The following CARMIL1 variants were observed in gnomAD, a reference collection of about 807,000 sequenced individuals.
CARMIL1 encodes F-actin-uncapping protein LRRC16A.
Under a neutral mutation model 177.1 loss-of-function variants are expected in CARMIL1, and 90 were observed. The observed-to-expected ratio is 0.51, with a 90% CI of 0.43 to 0.61. The LOEUF is 0.61. Ranked by LOEUF, CARMIL1 falls within the 20% of genes least tolerant of loss-of-function variation. The pLI, the probability that CARMIL1 is intolerant of heterozygous loss-of-function variation, is 0.00. For missense variants in CARMIL1, 1,380 were observed against 1,667.0 expected (o/e 0.83, Z 3.00); for synonymous variants, 577 against 606.2 (o/e 0.95, Z 0.71).
intron 23 of CARMIL1, among the ~76,000 whole-genome samples, chr6:25,524,496 G>A (rs889230115): frequency 1.3e-5 from 2 of 152,164 alleles, no homozygotes; most frequent in Non-Finnish European, 2.9e-5. Flanking sequence ...CCAGCTCTTA[G>A]CCAGTTAACA....
intron 2 of CARMIL1, among the ~76,000 whole-genome samples, chr6:25,399,587 G>GA (rs949043245): frequency 6.6e-6 from 1 of 152,154 alleles, no homozygotes; most frequent in Non-Finnish European, 1.5e-5. Context: ...TCTAAGAAGT[G>GA]AAAAATATAA....
At chr6:25,351,423 T>C (rs1788091522) in intron 2 of CARMIL1, among the ~76,000 whole-genome samples, 1 of 152,216 alleles carries the variant, frequency 6.6e-6, no homozygotes, top group East Asian at 1.9e-4. Context: ...GATTCTGCTG[T>C]ATTTGATGGT....
chr6:25,502,287 C>T (rs959479641), intron 17 of CARMIL1, among the ~76,000 whole-genome samples: 27 of 151,256 alleles, frequency 1.8e-4, no homozygotes, highest in African/African-American at 5.6e-4. Context: ...CCAGGCTGGG[C>T]GCGGTCAATG....
At chr6:25,467,754 C>A (rs1441175008) in intron 9 of CARMIL1, among the ~76,000 whole-genome samples, 2 of 152,114 alleles carry the variant, frequency 1.3e-5, no homozygotes, top group Non-Finnish European at 2.9e-5. Flanking sequence ...TGCCACTTTT[C>A]TGTTAACTGA....
chr6:25,502,959 G>C (rs1048989778), intron 17 of CARMIL1, among the ~76,000 whole-genome samples: 6 of 152,150 alleles, frequency 3.9e-5, no homozygotes, highest in African/African-American at 1.2e-4. Flanking sequence ...ACTCCTTTAT[G>C]ATCTATTGGG....
chr6:25,390,859 G>T (rs1489585930), intron 2 of CARMIL1, among the ~76,000 whole-genome samples: 1 of 152,050 alleles, frequency 6.6e-6, no homozygotes, highest in African/African-American at 2.4e-5. Context: ...CCTGTAATCA[G>T]CCTGGCTAAT....
rs1251564810 is a variant in CARMIL1, at chr6:25,528,856, G to A, written c.2030G>A (p.Arg677His). The change falls in exon 24 of 37, where the codon CGC becomes CAC. Residue 677 changes from arginine to histidine, a missense_variant. Arg to His is a conservative substitution (Grantham distance 29). Coordinates refer to ENST00000329474, the MANE Select transcript of CARMIL1 (RefSeq NM_017640.6). ...AAATACCTTCAAGAGCAGGCCTACCGCCTGCAGCAGGGTATTGTCACCAGC... is the reference window on the plus strand; with the variant it reads ...AAATACCTTCAAGAGCAGGCCTACCACCTGCAGCAGGGTATTGTCACCAGC... ...TRKYLQEQAY[R>H]LQQGIVTSTT... 1.9e-6 allele frequency: 3 copies of A among 1,610,160 alleles called. No individual in the cohort carries two copies. The highest frequency in any genetic ancestry group is 2.5e-6 in the Non-Finnish European group (3 of 1,178,194).
chr6:25,547,515 C>G (rs1457019028), intron 26 of CARMIL1, among the ~76,000 whole-genome samples: 1 of 152,132 alleles, frequency 6.6e-6, no homozygotes, highest in Non-Finnish European at 1.5e-5. Context: ...AGAAGTAGCA[C>G]TGAAGTTTAG....
chr6:25,572,973 A>G (rs1412546752), intron 29 of CARMIL1, among the ~76,000 whole-genome samples: 1 of 152,196 alleles, frequency 6.6e-6, no homozygotes, highest in African/African-American at 2.4e-5. Context: ...TGGGGAGCGC[A>G]TTGGATTAAA....
chr6:25,589,140 T>C (rs1814063906), intron 31 of CARMIL1, among the ~76,000 whole-genome samples: 1 of 152,262 alleles, frequency 6.6e-6, no homozygotes, highest in Non-Finnish European at 1.5e-5. Flanking sequence ...CAGCCATTGA[T>C]TGGCCATTCC....
intron 2 of CARMIL1, among the ~76,000 whole-genome samples, chr6:25,311,876 C>T (rs187821923): frequency 1.3e-4 from 20 of 152,316 alleles, no homozygotes; most frequent in Admixed American, 9.8e-4. Flanking sequence ...ATCCCACTCT[C>T]GATTACTAGC....
Position 25,558,955 on chromosome 6 carries a change from G to A in CARMIL1, c.2742+2105G>A, listed in dbSNP as rs747014911. On this transcript the variant is annotated intron_variant, in intron 29 of 36. Transcript: ENST00000329474. This position sits in a 1 kb window ranked among gnomAD's most constrained non-coding sequence, Gnocchi z 4.1. The stretch of plus-strand genomic sequence containing the variant: ...TCTAACTAGGCTAATAAGTTGTTAA[G>A]TAGTAGAAAACCAGAGTTAAATTTG... Among the ~76,000 whole-genome samples the A allele has an allele frequency of 1.3e-4, 20 of 152,306 alleles. No homozygotes were observed. Among genetic ancestry groups the A allele is most frequent in the Non-Finnish European group, 1.9e-4 (13 of 68,026 alleles).
intron 2 of CARMIL1, among the ~76,000 whole-genome samples, chr6:25,304,497 C>T (rs1164628351): frequency 7.9e-5 from 12 of 152,188 alleles, no homozygotes; most frequent in African/African-American, 2.9e-4. Context: ...ATTAGATTCT[C>T]ATAAGGAGTG....
At chr6:25,546,682 A>C (rs77971031) in intron 26 of CARMIL1, among the ~76,000 whole-genome samples, 54,144 of 149,392 alleles carry the variant, frequency 0.36, 10,268 homozygotes, top group South Asian at 0.42. Flanking sequence ...AAAAAAAAAA[A>C]AAAAAAAAAT....
chr6:25,308,749 A>T (rs1393804011), intron 2 of CARMIL1, among the ~76,000 whole-genome samples: 6 of 152,004 alleles, frequency 3.9e-5, no homozygotes, highest in Non-Finnish European at 8.8e-5. Context: ...TTCAGTTTAT[A>T]ATCATCAGGA....
chr6:25,331,989 A>G (rs1348233332), intron 2 of CARMIL1, among the ~76,000 whole-genome samples: 1 of 152,230 alleles, frequency 6.6e-6, no homozygotes, highest in Non-Finnish European at 1.5e-5. Context: ...TAAAGAATCA[A>G]TTAAAATAAT....
intron 3 of CARMIL1, among the ~76,000 whole-genome samples, chr6:25,423,263 A>G (rs1183505244): frequency 6.6e-6 from 1 of 152,240 alleles, no homozygotes; most frequent in African/African-American, 2.4e-5. Context: ...TCAAATGCAC[A>G]AAACGGACAT....
At chr6:25,311,619 G>T (rs1160004295) in intron 2 of CARMIL1, among the ~76,000 whole-genome samples, 3 of 152,042 alleles carry the variant, frequency 2.0e-5, no homozygotes, top group Non-Finnish European at 4.4e-5. Flanking sequence ...TCAGATCCAG[G>T]TGCTTGCCCC....
At chr6:25,387,227 G>T (rs1792277886) in intron 2 of CARMIL1, among the ~76,000 whole-genome samples, 1 of 151,974 alleles carries the variant, frequency 6.6e-6, no homozygotes, top group Non-Finnish European at 1.5e-5. Flanking sequence ...AAATGCTCTG[G>T]TTCAAGGAAA....
Sources: gnomAD v4.1 joint callset for allele counts (sites outside exome capture counted in the v4.1 genomes callset) on GRCh38, gnomAD v4.1.1 for gene constraint, Gnocchi (gnomAD v3.1) non-coding constraint, MANE v1.5 for transcripts, NCBI Gene and HGNC (gene_info 2026-07-23, HGNC 2026-07-21) for gene names.